LMBR1: variants seen among roughly 807,000 people sequenced by gnomAD.
LMBR1 encodes the protein limb region 1 protein homolog.
Under a neutral mutation model 73.9 loss-of-function variants are expected in LMBR1, and 52 were observed. That is an observed-to-expected ratio of 0.70 (90% CI 0.56 to 0.89). The LOEUF (loss-of-function observed/expected upper bound fraction) is 0.89, where lower values mean the gene tolerates loss of function less well. Ranked by LOEUF, LMBR1 falls within the 40% of genes least tolerant of loss-of-function variation. The probability of loss-of-function intolerance (pLI) is 0.00; values close to 1 mark genes in which losing one functional copy is unlikely to be tolerated. For synonymous variants in LMBR1, 215 were observed against 209.4 expected (o/e 1.03, Z -0.23); for missense variants, 539 against 579.8 (o/e 0.93, Z 0.72).
At chr7:156,716,773 T>G (rs548477558) in intron 15 of LMBR1, among the ~76,000 whole-genome samples, 1 of 152,222 alleles carries the variant, frequency 6.6e-6, no homozygotes. Flanking sequence ...CTGCTTTTTA[T>G]GCTATACAAG....
intron 15 of LMBR1, among the ~76,000 whole-genome samples, chr7:156,702,553 A>G (rs923896349): frequency 2.6e-5 from 4 of 152,032 alleles, no homozygotes; most frequent in Non-Finnish European, 4.4e-5. Flanking sequence ...ATTTTCTCCC[A>G]TTGTGTAGGC....
At chr7:156,880,758 T>C (rs1431871357) in intron 1 of LMBR1, among the ~76,000 whole-genome samples, 1 of 152,142 alleles carries the variant, frequency 6.6e-6, no homozygotes, top group African/African-American at 2.4e-5. Flanking sequence ...GTTCAAGTGA[T>C]TCTCCTGCCT....
chr7:156,854,063 G>A (rs1164062244), intron 1 of LMBR1, among the ~76,000 whole-genome samples: 2 of 151,356 alleles, frequency 1.3e-5, no homozygotes, highest in Non-Finnish European at 2.9e-5. Context: ...AGATAACATA[G>A]TGGCTTCTGG....
intron 4 of LMBR1, among the ~76,000 whole-genome samples, chr7:156,796,855 T>C (rs972983910): frequency 6.6e-6 from 1 of 152,224 alleles, no homozygotes; most frequent in Non-Finnish European, 1.5e-5. Context: ...GATACTCTAC[T>C]GAACATTTTA....
At chr7:156,743,406 G>GT (rs1477236954) in intron 9 of LMBR1, among the ~76,000 whole-genome samples, 1 of 152,098 alleles carries the variant, frequency 6.6e-6, no homozygotes, top group Non-Finnish European at 1.5e-5. Flanking sequence ...AAAAGGGGGT[G>GT]TATCTATTAG....
chr7:156,672,295 G>A (rs924925494), intron 4 of LMBR1, among the ~76,000 whole-genome samples: 3 of 152,110 alleles, frequency 2.0e-5, no homozygotes, highest in Middle Eastern at 3.2e-3. Context: ...AGGGTGTGAC[G>A]ACGACAGGTG....
intron 15 of LMBR1, among the ~76,000 whole-genome samples, chr7:156,700,476 T>A (rs1585251938): frequency 6.6e-6 from 1 of 152,148 alleles, no homozygotes; most frequent in African/African-American, 2.4e-5. Context: ...CACACCAACA[T>A]GGCACGTGTA....
chr7:156,837,192 G>A (rs1214060303), intron 1 of LMBR1, among the ~76,000 whole-genome samples: 1 of 151,588 alleles, frequency 6.6e-6, no homozygotes, highest in African/African-American at 2.4e-5. Context: ...ATATTAGCAG[G>A]GCATGGTGGC....
Position 156,763,741 on chromosome 7 carries a change from G to A in LMBR1, c.478C>T (p.Leu160Phe). 6.2e-7 allele frequency: 1 copy of A among 1,605,984 alleles called. No homozygotes were observed. The highest frequency in any genetic ancestry group is 8.5e-7 in the Non-Finnish European group (1 of 1,178,208). The change falls in exon 6 of 17, where the codon CTC (leucine) becomes TTC (phenylalanine). Residue 160 changes from leucine to phenylalanine, a missense_variant. Coordinates refer to ENST00000353442, the MANE Select transcript of LMBR1 (RefSeq NM_022458.4). ...TLVMLLLLAL[L>F]ILGIVWVASA... is the part of the protein sequence containing the mutation. ...GCTACCCACACTATCCCAAGAATGAGTAACGCAAGAAGAAGAAGCATGACC... is the reference window on the plus strand; with the variant it reads ...GCTACCCACACTATCCCAAGAATGAATAACGCAAGAAGAAGAAGCATGACC...
At chr7:156,844,707 A>G (rs1839318684) in intron 1 of LMBR1, among the ~76,000 whole-genome samples, 1 of 152,002 alleles carries the variant, frequency 6.6e-6, no homozygotes, top group African/African-American at 2.4e-5. Context: ...AGGAACAGCC[A>G]TGCCCTATTT....
intron 7 of LMBR1, 81 bp from the exon 8 acceptor site, chr7:156,762,279 T>C (rs1823204722): frequency 1.2e-6 from 1 of 835,596 alleles, no homozygotes; most frequent in Non-Finnish European, 2.0e-6. Flanking sequence ...ACTGTAAAAA[T>C]AAGGGAAATT....
At chr7:156,801,354 TACAC>T (rs1401382510) in intron 4 of LMBR1, among the ~76,000 whole-genome samples, 2 of 152,220 alleles carry the variant, frequency 1.3e-5, no homozygotes, top group African/African-American at 4.8e-5. Context: ...TAAAGGCATG[TACAC>T]ACATTGCTAT....
chr7:156,779,355 C>G (rs373709753), intron 5 of LMBR1, among the ~76,000 whole-genome samples: 1 of 152,168 alleles, frequency 6.6e-6, no homozygotes, highest in Non-Finnish European at 1.5e-5. Flanking sequence ...AAATTAAGTA[C>G]TTTTCTGCCA....
chr7:156,709,296 G>A (rs1811610093), intron 15 of LMBR1, among the ~76,000 whole-genome samples: 1 of 152,202 alleles, frequency 6.6e-6, no homozygotes, highest in Non-Finnish European at 1.5e-5. Context: ...CCTGCTCCCA[G>A]GAAGGAGAAA....
chr7:156,701,486 A>C (rs1000133963), intron 15 of LMBR1, among the ~76,000 whole-genome samples: 1 of 152,246 alleles, frequency 6.6e-6, no homozygotes, highest in Admixed American at 6.5e-5. Context: ...TAGGAAGTGC[A>C]AACTAATTTA....
chr7:156,824,222 A>G (rs1297857709), intron 4 of LMBR1, among the ~76,000 whole-genome samples: 1 of 152,170 alleles, frequency 6.6e-6, no homozygotes, highest in Non-Finnish European at 1.5e-5. Context: ...GTGAGCACAC[A>G]CTACTTTATG....
intron 5 of LMBR1, among the ~76,000 whole-genome samples, chr7:156,771,825 C>G (rs886408234): frequency 1.3e-5 from 2 of 152,082 alleles, no homozygotes; most frequent in Admixed American, 1.3e-4. Flanking sequence ...AACACAGATG[C>G]AAAATCCTCA....
chr7:156,714,673 T>C (rs1812816192), intron 15 of LMBR1, among the ~76,000 whole-genome samples: 1 of 152,134 alleles, frequency 6.6e-6, no homozygotes, highest in East Asian at 1.9e-4. Context: ...GGGATTGAAC[T>C]AGCCCTTAAA....
At chr7:156,721,137 A>T (rs1002555109) in intron 15 of LMBR1, among the ~76,000 whole-genome samples, 1 of 152,140 alleles carries the variant, frequency 6.6e-6, no homozygotes, top group Admixed American at 6.5e-5. Context: ...CCATAAGTAC[A>T]TTAAAAACAA....
Sources: gnomAD v4.1 joint callset for allele counts (sites outside exome capture counted in the v4.1 genomes callset) on GRCh38, gnomAD v4.1.1 for gene constraint, MANE v1.5 for transcripts, NCBI Gene and HGNC (gene_info 2026-07-23, HGNC 2026-07-21) for gene names.